INPP1: variants seen among roughly 807,000 people sequenced by gnomAD.
INPP1 encodes inositol polyphosphate 1-phosphatase.
INPP1 carries 18 observed loss-of-function variants against 23.0 expected under a neutral mutation model. The observed-to-expected ratio is 0.78, with a 90% CI of 0.54 to 1.16. The LOEUF (loss-of-function observed/expected upper bound fraction) is 1.16, where lower values mean the gene tolerates loss of function less well. Ranked by LOEUF, INPP1 falls within the 50% of genes most tolerant of loss-of-function variation. The pLI is 0.00. For synonymous variants in INPP1, 164 were observed against 176.3 expected (o/e 0.93, Z 0.55); for missense variants, 448 against 482.1 (o/e 0.93, Z 0.66).
Position 190,366,696 on chromosome 2 carries a change from G to A in INPP1, c.267G>A (p.Gly89=), listed in dbSNP as rs769279803. ...EESNEFTNDW[G]EKITLRLCST... ...GCTTATCGTGTGGCTTTACCCTAGG[G>A]GAAAAGATTACCTTGAGGTTGTGTT... The change falls in exon 5 of 7, where the codon GGG becomes GGA. Residue 89 remains glycine (G), a splice_region_variant and synonymous_variant. Transcript: ENST00000392329. 2.4e-5 allele frequency: 38 copies of A among 1,609,222 alleles called. No individual in the cohort carries two copies. In the South Asian group the frequency reaches 4.2e-4, roughly 18 times the overall value.
In INPP1 at chr2:190,366,771, CA is replaced by C; in HGVS notation, c.344del (p.Lys115ArgfsTer7). The stretch of plus-strand genomic sequence containing the variant: ...TTCTTAGCAAAGTCCTCAATGGTAA[CA>C]AGGTGGCATCTGAAGCATTAGCCAG... ...ELLSKVLNGN[K>X]VASEALARVV... On this transcript the variant is annotated frameshift_variant, in exon 5 of 7. Coordinates refer to ENST00000392329, the MANE Select transcript of INPP1 (RefSeq NM_001128928.2). LOFTEE classifies it high-confidence loss of function. The C allele has an allele frequency of 6.2e-7, 1 of 1,613,378 alleles. No individual in the cohort carries two copies. Among genetic ancestry groups the C allele is most frequent in the South Asian group, 1.1e-5 (1 of 91,058 alleles).
At chr2:190,348,124 C>T (rs373240410) in intron 1 of INPP1, among the ~76,000 whole-genome samples, 10 of 152,102 alleles carry the variant, frequency 6.6e-5, no homozygotes, top group Non-Finnish European at 1.0e-4. Context: ...GGCAACAGAG[C>T]GAGACTCTGT....
At chr2:190,366,424 A>ACTCTGTCTCACTCT (rs1689673635) in intron 4 of INPP1, among the ~76,000 whole-genome samples, 1 of 93,706 alleles carries the variant, frequency 1.1e-5, no homozygotes, top group Admixed American at 9.9e-5. Flanking sequence ...ACTCTGTCTC[A>ACTCTGTCTCACTCT]CTCTGTCTCA....
chr2:190,347,751 T>G (rs114750636), intron 1 of INPP1, among the ~76,000 whole-genome samples: 472 of 152,348 alleles, frequency 3.1e-3, no homozygotes, highest in African/African-American at 0.011. Flanking sequence ...GGAGTTAAAT[T>G]CAAGTGACCA....
intron 6 of INPP1, among the ~76,000 whole-genome samples, chr2:190,370,069 G>C (rs377035137): frequency 6.6e-5 from 10 of 152,074 alleles, no homozygotes; most frequent in African/African-American, 2.4e-4. Flanking sequence ...ATAGGTTTCT[G>C]CTATCTTTAA....
intron 6 of INPP1, 146 bp downstream of exon 6, chr2:190,369,423 G>A: frequency 2.1e-6 from 1 of 478,106 alleles, no homozygotes; most frequent in Non-Finnish European, 3.7e-6. Flanking sequence ...TTGAATTAAA[G>A]TTCTATTTTC....
intron 4 of INPP1, among the ~76,000 whole-genome samples, chr2:190,364,641 AG>A (rs1244121988): frequency 2.5e-5 from 3 of 119,104 alleles, no homozygotes; most frequent in South Asian, 2.8e-4. Flanking sequence ...CCCAGGCTGG[AG>A]TGCAGTGGCA....
chr2:190,348,907 T>C lies in INPP1; in HGVS notation c.-189T>C, dbSNP rs754336545. 10 of 152,218 alleles carry C rather than the reference T, an allele frequency of 6.6e-5. No individual in the cohort carries two copies. Among genetic ancestry groups the C allele is most frequent in the Non-Finnish European group, 1.3e-4 (9 of 68,052 alleles). The allele number at this position is 152,218 out of a possible 1,614,324, so 9.4% of individuals were successfully genotyped here. On this transcript the variant is annotated 5_prime_UTR_variant, in exon 2 of 7. It removes an upstream start codon present in the reference 5' UTR. Coordinates refer to ENST00000392329, the MANE Select transcript of INPP1 (RefSeq NM_001128928.2). ...AACAAGTCCTTCAGAGCTTACATCATGTGGCCGAGTTTATATACCTGATTG... is the reference window on the plus strand; with the variant it reads ...AACAAGTCCTTCAGAGCTTACATCACGTGGCCGAGTTTATATACCTGATTG...
chr2:190,348,627 G>T (rs771789216), intron 1 of INPP1, among the ~76,000 whole-genome samples: 1 of 152,104 alleles, frequency 6.6e-6, no homozygotes, highest in Non-Finnish European at 1.5e-5. Context: ...TCATACAAGT[G>T]GAATCATAGA....
At chr2:190,353,287 C>T (rs1297768410) in intron 2 of INPP1, among the ~76,000 whole-genome samples, 1 of 152,158 alleles carries the variant, frequency 6.6e-6, no homozygotes, top group Admixed American at 6.5e-5. Context: ...TACCATGAAG[C>T]CAGAGTAGTC....
chr2:190,347,170 C>T (rs1266965080), intron 1 of INPP1, among the ~76,000 whole-genome samples: 3 of 151,906 alleles, frequency 2.0e-5, no homozygotes, highest in African/African-American at 4.8e-5. Context: ...CGCTACCACA[C>T]CAGGCTAATT....
chr2:190,353,457 T>C (rs1444896971), intron 2 of INPP1, among the ~76,000 whole-genome samples: 2 of 152,252 alleles, frequency 1.3e-5, no homozygotes, highest in Non-Finnish European at 2.9e-5. Flanking sequence ...AAGGTTTCAG[T>C]GACCCATATA....
rs190731709 is a variant in INPP1 at position 190,365,254 on chromosome 2, A to G, written c.266-1441A>G. 1,021 of 165,392 alleles carry G rather than the reference A, an allele frequency of 6.2e-3. 11 individuals are homozygous for G. Among genetic ancestry groups the G allele is most frequent in the African/African-American group, 0.023 (970 of 41,646 alleles). 10.2% of individuals were successfully genotyped at this position (165,392 alleles called of 1,614,324 possible). A position where few individuals can be genotyped will look rare whatever the true frequency, so the allele number is the denominator to read the frequency against. ...CAGCTTTGCTTATGTTCTGGTTCTC[A>G]ATGGGCTCCACAGAGGAGAGCTATT... is the stretch of plus-strand genomic sequence containing the variant. On this transcript the variant is annotated intron_variant, in intron 4 of 6. Coordinates refer to ENST00000392329, the MANE Select transcript of INPP1 (RefSeq NM_001128928.2).
chr2:190,351,914 G>A (rs188091687), intron 2 of INPP1, among the ~76,000 whole-genome samples: 37 of 152,252 alleles, frequency 2.4e-4, no homozygotes, highest in African/African-American at 8.7e-4. Context: ...TTTCATTCAT[G>A]CCCGCAGTTC....
chr2:190,366,051 CTCTCTCTG>C (rs1172491794), intron 4 of INPP1, among the ~76,000 whole-genome samples: 870 of 83,800 alleles, frequency 0.01, 14 homozygotes, highest in South Asian at 0.08. Context: ...CACTCTTTTG[CTCTCTCTG>C]TCTCTCTGTC....
At chr2:190,366,147 C>T (rs1213076622) in intron 4 of INPP1, among the ~76,000 whole-genome samples, 1 of 150,292 alleles carries the variant, frequency 6.7e-6, no homozygotes, top group Non-Finnish European at 1.5e-5. Flanking sequence ...CTCTCTCTCG[C>T]TCTTTCGCTG....
At chr2:190,370,601 T>C (rs1401857028) in intron 6 of INPP1, among the ~76,000 whole-genome samples, 2 of 152,220 alleles carry the variant, frequency 1.3e-5, no homozygotes, top group South Asian at 2.1e-4. Flanking sequence ...TTGTCCTAGA[T>C]TGATGTGATA....
Position 190,369,015 on chromosome 2 carries a change from C to G in INPP1, c.467-88C>G, listed in dbSNP as rs892245136. On this transcript the variant is annotated intron_variant, in intron 5 of 6. Coordinates refer to ENST00000392329, the MANE Select transcript of INPP1 (RefSeq NM_001128928.2). ...TCCAAAGGTAAAAAATTATTGGTTACCAAATCAGTAGAAGAGAGAAGTCAT... is the reference window on the plus strand; with the variant it reads ...TCCAAAGGTAAAAAATTATTGGTTAGCAAATCAGTAGAAGAGAGAAGTCAT... 5 of 723,318 alleles carry G rather than the reference C, an allele frequency of 6.9e-6. No individual in the cohort carries two copies. In the Admixed American group the frequency reaches 1.6e-4, roughly 24 times the overall value. The allele number at this position is 723,318 out of a possible 1,614,324, so 44.8% of individuals were successfully genotyped here.
chr2:190,370,709 C>T lies in INPP1; in HGVS notation c.642-135C>T, dbSNP rs2124948066. 5.7e-6 allele frequency: 4 copies of T among 696,834 alleles called. No homozygotes were observed. The East Asian group carries it at 1.0e-4, about 18-fold the overall frequency. 43.2% of individuals were successfully genotyped at this position (696,834 alleles called of 1,614,324 possible). A position where few individuals can be genotyped will look rare whatever the true frequency, so the allele number is the denominator to read the frequency against. On this transcript the variant is annotated intron_variant, in intron 6 of 6. Transcript: ENST00000392329. ...ATAAACTAGCTACCTGATATCTATT[C>T]CTAGACTTAAAGGTGTTAAGATTCA...
Sources: allele counts gnomAD v4.1 joint callset (sites outside exome capture counted in the v4.1 genomes callset), GRCh38; gene constraint gnomAD v4.1.1; transcripts MANE v1.5; gene names NCBI Gene and HGNC (gene_info 2026-07-23, HGNC 2026-07-21).